PATJ: variants seen among roughly 807,000 people sequenced by gnomAD.
The protein encoded by PATJ is PATJ crumbs cell polarity complex component.
Under a neutral mutation model 224.9 loss-of-function variants are expected in PATJ, and 190 were observed. That is an observed-to-expected ratio of 0.84 (90% CI 0.75 to 0.95). The LOEUF is 0.95. PATJ is among the 40% of genes least tolerant of loss of function. The pLI is 0.00. For missense variants in PATJ, 2,121 were observed against 2,270.3 expected (o/e 0.93, Z 1.34); for synonymous variants, 769 against 820.3 (o/e 0.94, Z 1.07).
chr1:61,868,774 G>A (rs1665800953), intron 20 of PATJ, among the ~76,000 whole-genome samples: 1 of 151,980 alleles, frequency 6.6e-6, no homozygotes, highest in African/African-American at 2.4e-5. Flanking sequence ...GGGCAACAGA[G>A]AGAGACTCCG....
rs1353577948 is a variant in PATJ at position 61,760,602 on chromosome 1, CTTTTCT to C, written c.-35-2239_-35-2234del. On this transcript the variant is annotated intron_variant, in intron 1 of 43. Coordinates refer to ENST00000642238, the MANE Select transcript of PATJ (RefSeq NM_001350145.3). ...TGCCACTTTGAGTGGTTTCTTTTTTCTTTTCTTTTTCTTTTTCTTTTTTTTTTTTTT... is the reference window on the plus strand; with the variant it reads ...TGCCACTTTGAGTGGTTTCTTTTTTCTTTTCTTTTTCTTTTTTTTTTTTTT... Among the ~76,000 whole-genome samples the C allele has an allele frequency of 7.5e-4, 110 of 147,320 alleles. 1 individual carries two copies. In the South Asian group the frequency reaches 0.021, roughly 28 times the overall value.
At chr1:61,869,723 G>C (rs1473521139) in intron 20 of PATJ, among the ~76,000 whole-genome samples, 1 of 152,210 alleles carries the variant, frequency 6.6e-6, no homozygotes, top group Admixed American at 6.5e-5. Flanking sequence ...GAGTGTGTGA[G>C]TGAACAAGGT....
At chr1:61,936,028 T>C (rs1676811287) in intron 27 of PATJ, among the ~76,000 whole-genome samples, 1 of 152,092 alleles carries the variant, frequency 6.6e-6, no homozygotes, top group South Asian at 2.1e-4. Context: ...TATTGAGATA[T>C]AATTCACATA....
intron 41 of PATJ, among the ~76,000 whole-genome samples, chr1:62,129,890 G>A (rs546896831): frequency 6.6e-6 from 1 of 152,206 alleles, no homozygotes; most frequent in Admixed American, 6.6e-5. Context: ...AGTGAGCCAA[G>A]ATTGCTCCAC....
intron 41 of PATJ, among the ~76,000 whole-genome samples, chr1:62,140,594 A>C (rs150814153): frequency 1.1e-3 from 174 of 152,202 alleles, no homozygotes; most frequent in East Asian, 0.011. Context: ...CAGAGGTTGC[A>C]GTGAGCCGAG....
Position 61,981,705 on chromosome 1 carries a change from T to G in PATJ, c.3671-8463T>G, listed in dbSNP as rs376057686. Reference sequence around the variant, plus strand: ...TTTTTTTTTGGAGACGGAGTCTCACTCTGTCGCCCAGGTTGGAGTGCAGTG... The same window carrying G: ...TTTTTTTTTGGAGACGGAGTCTCACGCTGTCGCCCAGGTTGGAGTGCAGTG... On this transcript the variant is annotated intron_variant, in intron 27 of 43. Coordinates refer to ENST00000642238, the MANE Select transcript of PATJ (RefSeq NM_001350145.3). 1.9e-3 allele frequency among the ~76,000 whole-genome samples: 280 copies of G among 150,556 alleles called. 7 individuals are homozygous for G. Among genetic ancestry groups the G allele is most frequent in the African/African-American group, 6.6e-3 (269 of 40,794 alleles).
chr1:61,864,178 T>TGC, intron 19 of PATJ, 60 bp from the exon 20 acceptor site: 4 of 1,451,274 alleles, frequency 2.8e-6, no homozygotes, highest in Admixed American at 2.2e-5. Context: ...CCAGTTTATC[T>TGC]ATATAGTGCA....
At chr1:61,813,364 T>TATATATATATAC (rs1468394542) in intron 14 of PATJ, among the ~76,000 whole-genome samples, 31 of 50,888 alleles carry the variant, frequency 6.1e-4, no homozygotes, top group African/African-American at 2.6e-3. Context: ...TATATATATA[T>TATATATATATAC]ATATATATAT....
chr1:62,145,144 C>T (rs1233006998), intron 41 of PATJ, among the ~76,000 whole-genome samples: 1 of 152,178 alleles, frequency 6.6e-6, no homozygotes, highest in East Asian at 1.9e-4. Flanking sequence ...TTAGGACTAT[C>T]TAAGAGGCAA....
intron 29 of PATJ, among the ~76,000 whole-genome samples, chr1:62,030,347 A>G (rs1648978845): frequency 6.6e-6 from 1 of 152,206 alleles, no homozygotes. Context: ...TATTAATATT[A>G]GACATTATCC....
At position 62,006,146 on chromosome 1, in the gene PATJ, C is replaced by G. The variant is rs140684813; in HGVS notation, c.3868-11710C>G. On this transcript the variant is annotated intron_variant, in intron 28 of 43. Coordinates refer to ENST00000642238, the MANE Select transcript of PATJ (RefSeq NM_001350145.3). ...TTTTGTTTTTTGAGACGCAGTCTTG[C>G]TCTGTCGCCCCAGGCTGGAGTGCAA... Among the ~76,000 whole-genome samples the G allele has an allele frequency of 4.9e-4, 74 of 152,196 alleles. 3 individuals carry two copies. In the East Asian group the frequency reaches 0.013, roughly 26 times the overall value.
At chr1:62,011,831 G>C (rs1432241830) in intron 28 of PATJ, among the ~76,000 whole-genome samples, 1 of 152,034 alleles carries the variant, frequency 6.6e-6, no homozygotes, top group African/African-American at 2.4e-5. Flanking sequence ...AGGTGCAGTT[G>C]TATGGGACTC....
intron 27 of PATJ, among the ~76,000 whole-genome samples, chr1:61,973,349 C>T (rs1385136479): frequency 3.9e-5 from 6 of 151,960 alleles, no homozygotes; most frequent in African/African-American, 1.2e-4. Flanking sequence ...GGAAATAATA[C>T]GTATGTACAG....
chr1:61,884,472 T>G, intron 22 of PATJ, 64 bp downstream of exon 22: 1 of 850,388 alleles, frequency 1.2e-6, no homozygotes, highest in Non-Finnish European at 1.6e-6. Context: ...TTTTTTTTTT[T>G]TGCTTAAAAA....
At chr1:61,942,851 C>T (rs1473308590) in intron 27 of PATJ, among the ~76,000 whole-genome samples, 4 of 152,072 alleles carry the variant, frequency 2.6e-5, no homozygotes. Flanking sequence ...GCCCAGCCAG[C>T]AGTTTCTTTA....
chr1:62,089,725 C>G (rs914369931), intron 33 of PATJ, among the ~76,000 whole-genome samples: 2 of 151,834 alleles, frequency 1.3e-5, no homozygotes, highest in African/African-American at 4.8e-5. Flanking sequence ...CTAACTGATA[C>G]CATAGGTCAC....
chr1:61,775,813 C>T (rs1646881799), intron 7 of PATJ, among the ~76,000 whole-genome samples: 1 of 151,704 alleles, frequency 6.6e-6, no homozygotes, highest in African/African-American at 2.4e-5. Context: ...TGAAAGTGGG[C>T]TATTAAAAAA....
intron 33 of PATJ, among the ~76,000 whole-genome samples, chr1:62,106,119 C>CACATACAT (rs1558176170): frequency 1.2e-5 from 1 of 86,290 alleles, no homozygotes; most frequent in Non-Finnish European, 2.4e-5. Context: ...CACACACACA[C>CACATACAT]AAACACACAT....
At chr1:62,003,244 G>A (rs1464007613) in intron 28 of PATJ, among the ~76,000 whole-genome samples, 8 of 152,186 alleles carry the variant, frequency 5.3e-5, no homozygotes, top group Admixed American at 5.2e-4. Context: ...ACTTTCACAG[G>A]AGTATTCAAA....
Sources: allele counts gnomAD v4.1 joint callset (sites outside exome capture counted in the v4.1 genomes callset), GRCh38; gene constraint gnomAD v4.1.1; transcripts MANE v1.5; gene names NCBI Gene and HGNC (gene_info 2026-07-23, HGNC 2026-07-21).